CYP20A1: variants seen among roughly 807,000 people sequenced by gnomAD.
CYP20A1 encodes the protein cytochrome P450 family 20 subfamily A member 1, also known as cytochrome P450 20A1.
A neutral mutation model predicts 61.4 loss-of-function variants in CYP20A1; 61 were observed. The ratio of observed to expected loss-of-function variants is 0.99; its 90% CI spans 0.81 to 1.23. The LOEUF (loss-of-function observed/expected upper bound fraction) is 1.23. Ranked by LOEUF, CYP20A1 falls within the 50% of genes most tolerant of loss-of-function variation. CYP20A1 has a pLI of 0.00. For synonymous variants in CYP20A1, 193 were observed against 188.2 expected, an observed-to-expected ratio of 1.03 and a Z score of -0.21; for missense variants, 530 against 542.4, an observed-to-expected ratio of 0.98 and a Z score of 0.23.
At position 203,301,262 on chromosome 2, in the gene CYP20A1, C is replaced by CTT. The variant is rs1190795053; in HGVS notation, c.*4365_*4366dup. ...TTCTTTTCTTTCTTTCTTTTCTTTT[C>CTT]TTTTTTTTTTTTGAGGCACAGTCTT... On this transcript the variant is annotated 3_prime_UTR_variant, in exon 13 of 13. Coordinates refer to ENST00000356079, the MANE Select transcript of CYP20A1 (RefSeq NM_177538.3). Among the ~76,000 whole-genome samples, 5 of 133,166 alleles carry CTT rather than the reference C, an allele frequency of 3.8e-5. No homozygotes were observed. The highest frequency in any genetic ancestry group is 7.6e-5 in the Admixed American group (1 of 13,098). The allele number at this position is 133,166 out of a possible 152,430, so 87.4% of individuals were successfully genotyped here.
At chr2:203,282,229 T>C (rs2068072134) in intron 8 of CYP20A1, among the ~76,000 whole-genome samples, 1 of 151,950 alleles carries the variant, frequency 6.6e-6, no homozygotes, top group Non-Finnish European at 1.5e-5. Flanking sequence ...GTAGAGACCA[T>C]GTTGGCCAAG....
intron 9 of CYP20A1, among the ~76,000 whole-genome samples, chr2:203,287,743 C>T (rs1215953797): frequency 2.0e-5 from 3 of 151,970 alleles, no homozygotes; most frequent in Non-Finnish European, 4.4e-5. Flanking sequence ...AGTTTAAGCT[C>T]TAATATAGCT....
chr2:203,278,582 A>G lies in CYP20A1; in HGVS notation c.689A>G (p.Gln230Arg). 6.4e-7 allele frequency: 1 copy of G among 1,568,410 alleles called. No homozygotes were observed. The highest frequency in any genetic ancestry group is 8.7e-7 in the Non-Finnish European group (1 of 1,155,754). Residue 230 changes from glutamine to arginine, a missense_variant, in exon 7 of 13, where the codon CAA (glutamine) becomes CGA (arginine). Coordinates refer to ENST00000356079, the MANE Select transcript of CYP20A1 (RefSeq NM_177538.3). ...RKKQYEDALM[Q>R]LESVLRNIIK... ...TGTTTTTTTCTCTAAGCCCTCATGCAACTGGAGTCTGTTTTAAGGAACATC... is the reference window on the plus strand; with the variant it reads ...TGTTTTTTTCTCTAAGCCCTCATGCGACTGGAGTCTGTTTTAAGGAACATC...
rs1354836754 is a variant in CYP20A1, at chr2:203,292,288, G to C, written c.1110G>C (p.Val370=). The C allele has an allele frequency of 6.2e-7, 1 of 1,611,722 alleles. No homozygotes were observed. The highest frequency in any genetic ancestry group is 8.5e-7 in the Non-Finnish European group (1 of 1,178,854). The change falls in exon 11 of 13, where the codon GTG becomes GTC. Residue 370 remains valine, a synonymous_variant. Coordinates refer to ENST00000356079, the MANE Select transcript of CYP20A1 (RefSeq NM_177538.3). ...RETLVLYALG[V]VLQDPNTWPS... is the part of the protein sequence containing the mutation. Reference sequence around the variant, plus strand: ...CCCTCGTCCTTTATGCCCTTGGTGTGGTACTTCAGGATCCTAATACTTGGC... The same window carrying C: ...CCCTCGTCCTTTATGCCCTTGGTGTCGTACTTCAGGATCCTAATACTTGGC...
intron 6 of CYP20A1, among the ~76,000 whole-genome samples, chr2:203,275,349 G>T (rs893982840): frequency 2.6e-5 from 4 of 152,018 alleles, no homozygotes; most frequent in African/African-American, 4.8e-5. Context: ...ACTGTTGTTT[G>T]AAAAAACTTC....
At chr2:203,251,874 A>G in intron 3 of CYP20A1, 93 bp from the exon 4 acceptor site, 1 of 939,304 alleles carries the variant, frequency 1.1e-6, no homozygotes, top group Non-Finnish European at 1.4e-6. Flanking sequence ...GCTTTCAGCT[A>G]CAATTCTTTA....
chr2:203,279,798 G>A (rs1481782617), intron 7 of CYP20A1, among the ~76,000 whole-genome samples: 3 of 152,030 alleles, frequency 2.0e-5, no homozygotes, highest in African/African-American at 7.2e-5. Flanking sequence ...TTGTATACAT[G>A]TACCGAAAAT....
At chr2:203,289,646 A>G (rs767883290) in intron 9 of CYP20A1, 119 bp from the exon 10 acceptor site, 14 of 456,310 alleles carry the variant, frequency 3.1e-5, no homozygotes, top group Non-Finnish European at 4.8e-5. Context: ...AAGAATTATG[A>G]TGGGACTATT....
chr2:203,274,585 C>T (rs573006121), intron 6 of CYP20A1, among the ~76,000 whole-genome samples: 1 of 152,210 alleles, frequency 6.6e-6, no homozygotes, highest in South Asian at 2.1e-4. Flanking sequence ...GTTTTCTATA[C>T]ATTATAGTAT....
chr2:203,296,797 G>A lies in CYP20A1; in HGVS notation c.1278G>A (p.Leu426=), dbSNP rs2068817971. ...YMVTTVLLSV[L]VKRLHLLSVE... The stretch of plus-strand genomic sequence containing the variant: ...TGACCACAGTACTTCTTAGTGTATT[G>A]GTGAAGAGACTGCACCTACTTTCTG... The change falls in exon 13 of 13, where the codon TTG becomes TTA. Residue 426 remains leucine, a synonymous_variant. Transcript: ENST00000356079. 2 of 1,608,344 alleles carry A rather than the reference G, an allele frequency of 1.2e-6. No homozygotes were observed. The highest frequency in any genetic ancestry group is 2.2e-5 in the South Asian group (2 of 89,562).
At position 203,300,891 on chromosome 2, in the gene CYP20A1, GAAAAAAAAAA is replaced by G. The variant is rs1163039964; in HGVS notation, c.*3996_*4005del. Among the ~76,000 whole-genome samples the G allele has an allele frequency of 2.7e-5, 1 of 37,044 alleles. No homozygotes were observed. The highest frequency in any genetic ancestry group is 9.6e-4 in the South Asian group (1 of 1,042). 24.3% of individuals were successfully genotyped at this position (37,044 alleles called of 152,430 possible). ...GCAATAAGAGCAAAACTCCGTCTCA[GAAAAAAAAAA>G]AAAAAAAAAAAACGGCCAGGCGAGG... On this transcript the variant is annotated 3_prime_UTR_variant, in exon 13 of 13. Coordinates refer to ENST00000356079, the MANE Select transcript of CYP20A1 (RefSeq NM_177538.3).
At chr2:203,290,441 C>G (rs1164623312) in intron 10 of CYP20A1, among the ~76,000 whole-genome samples, 1 of 152,042 alleles carries the variant, frequency 6.6e-6, no homozygotes, top group Non-Finnish European at 1.5e-5. Flanking sequence ...GTATATTACT[C>G]TGTGTATATA....
intron 6 of CYP20A1, among the ~76,000 whole-genome samples, chr2:203,277,609 A>C (rs2067877289): frequency 6.6e-6 from 1 of 151,850 alleles, no homozygotes; most frequent in South Asian, 2.1e-4. Context: ...TCTGCTGCCC[A>C]GGTTCAAGCG....
chr2:203,296,338 G>A (rs1467792092), intron 11 of CYP20A1, 136 bp from the exon 12 acceptor site: 2 of 529,114 alleles, frequency 3.8e-6, no homozygotes, highest in African/African-American at 2.0e-5. Flanking sequence ...AAAATAAGTG[G>A]CATTTAAATA....
chr2:203,246,959 C>T (rs769190305), intron 3 of CYP20A1, 38 bp downstream of exon 3: 6 of 1,593,586 alleles, frequency 3.8e-6, no homozygotes, highest in Non-Finnish European at 5.1e-6. Flanking sequence ...TGATCCTTAC[C>T]TTTTAAGAAT....
chr2:203,245,783 G>A, intron 1 of CYP20A1, 63 bp from the exon 2 acceptor site: 1 of 927,734 alleles, frequency 1.1e-6, no homozygotes, highest in South Asian at 1.6e-5. Context: ...AGATGTGTTG[G>A]TGAAACACAT....
intron 10 of CYP20A1, among the ~76,000 whole-genome samples, chr2:203,290,850 C>T (rs2068501946): frequency 6.6e-6 from 1 of 152,060 alleles, no homozygotes; most frequent in Admixed American, 6.6e-5. Context: ...ACCATGTTGG[C>T]CAGGCTGGTC....
chr2:203,297,008 A>C lies in CYP20A1; in HGVS notation c.*100A>C, dbSNP rs529865521. On this transcript the variant is annotated 3_prime_UTR_variant, in exon 13 of 13. Transcript: ENST00000356079. ...TTTTATAAACCAGTATCACTTTGTAATATAAACACCTATTTGTACTTAATT... is the reference window on the plus strand; with the variant it reads ...TTTTATAAACCAGTATCACTTTGTACTATAAACACCTATTTGTACTTAATT... 1.5e-6 allele frequency: 1 copy of C among 658,664 alleles called. No individual in the cohort carries two copies. The highest frequency in any genetic ancestry group is 2.5e-6 in the Non-Finnish European group (1 of 400,338). 40.8% of individuals were successfully genotyped at this position (658,664 alleles called of 1,614,324 possible). A position where few individuals can be genotyped will look rare whatever the true frequency, so the allele number is the denominator to read the frequency against.
Position 203,299,692 on chromosome 2 carries a change from T to C in CYP20A1, c.*2784T>C, listed in dbSNP as rs1210015147. On this transcript the variant is annotated 3_prime_UTR_variant, in exon 13 of 13. Coordinates refer to ENST00000356079, the MANE Select transcript of CYP20A1 (RefSeq NM_177538.3). The stretch of plus-strand genomic sequence containing the variant: ...GCGTTCAAGACCAGCCTGACCAACA[T>C]GGAGAAACCCCGTCTCTACTAAAAA... 6.6e-6 allele frequency among the ~76,000 whole-genome samples: 1 copy of C among 152,060 alleles called. No individual in the cohort carries two copies. Among genetic ancestry groups the C allele is most frequent in the African/African-American group, 2.4e-5 (1 of 41,414 alleles).
Sources: allele counts gnomAD v4.1 joint callset (sites outside exome capture counted in the v4.1 genomes callset), GRCh38; gene constraint gnomAD v4.1.1; transcripts MANE v1.5; gene names NCBI Gene and HGNC (gene_info 2026-07-23, HGNC 2026-07-21).